Variants in CDK2AP1 observed in about 807,000 individuals in gnomAD.
CDK2AP1 encodes the protein cyclin-dependent kinase 2-associated protein 1.
A neutral mutation model predicts 14.1 loss-of-function variants in CDK2AP1; 10 were observed. That is an observed-to-expected ratio of 0.71 (90% CI 0.44 to 1.20). The LOEUF is 1.20. Ranked by LOEUF, CDK2AP1 falls within the 50% of genes most tolerant of loss-of-function variation. The probability of loss-of-function intolerance (pLI) is 0.00; values close to 1 mark genes in which losing one functional copy is unlikely to be tolerated. For missense variants in CDK2AP1, 102 were observed against 149.9 expected (o/e 0.68, Z 1.67); for synonymous variants, 59 against 59.8 (o/e 0.99, Z 0.06).
Position 123,267,031 on chromosome 12 carries a change from GTTCTGA to G in CDK2AP1, c.153+148_153+153del, listed in dbSNP as rs1289046541. On this transcript the variant is annotated intron_variant, in intron 2 of 3. Transcript: ENST00000261692. The stretch of plus-strand genomic sequence containing the variant: ...TCCCCAGTGCCCTCCACTCTGATGT[GTTCTGA>G]GCAGGAGCGCAGCCAGGGCCTTGGG... 7.2e-5 allele frequency among the ~76,000 whole-genome samples: 11 copies of G among 152,202 alleles called. No individual in the cohort carries two copies. In the East Asian group the frequency reaches 2.1e-3, roughly 29 times the overall value.
At chr12:123,268,169 C>T in intron 1 of CDK2AP1, 1 of 983,624 alleles carries the variant, frequency 1.0e-6, no homozygotes, top group African/African-American at 1.7e-5. Context: ...GAGAATTTAC[C>T]TAGTCCTCCT....
rs545157473 is a variant in CDK2AP1, at chr12:123,265,373, C to A, written c.154-51G>T. The A allele has an allele frequency of 6.3e-7, 1 of 1,596,844 alleles. No homozygotes were observed. Among genetic ancestry groups the A allele is most frequent in the South Asian group, 1.1e-5 (1 of 90,528 alleles). ...GCAAAATCAGCCGGGCGTGGTGGTGCGTGCCTGTAGTCCCAGTTACTCAGG... is the reference window on the plus strand; with the variant it reads ...GCAAAATCAGCCGGGCGTGGTGGTGAGTGCCTGTAGTCCCAGTTACTCAGG... On this transcript the variant is annotated intron_variant, in intron 2 of 3. Transcript: ENST00000261692. This position sits in a 1 kb window ranked among gnomAD's most constrained non-coding sequence, Gnocchi z 5.3.
At chr12:123,270,912 A>G (rs967841631) in intron 1 of CDK2AP1, 1 of 984,960 alleles carries the variant, frequency 1.0e-6, no homozygotes, top group Non-Finnish European at 1.2e-6. Flanking sequence ...GCGTGACCGC[A>G]TGGGGTAGCC....
At chr12:123,262,129 T>C (rs1049922015) in intron 3 of CDK2AP1, 14 of 237,404 alleles carry the variant, frequency 5.9e-5, no homozygotes, top group Non-Finnish European at 1.1e-4. Context: ...TGACCCACTA[T>C]GGAGATTTTT....
chr12:123,269,422 G>C (rs970045250), intron 1 of CDK2AP1, among the ~76,000 whole-genome samples: 4 of 152,252 alleles, frequency 2.6e-5, no homozygotes, highest in Admixed American at 2.6e-4. Flanking sequence ...GTCTAGTCCT[G>C]GAGAGAGATG....
Position 123,261,781 on chromosome 12 carries a change from C to A in CDK2AP1, c.303G>T (p.Leu101=), listed in dbSNP as rs767025451. ...LKRGIIHARG[L]VRECLAETER... is the part of the protein sequence containing the mutation. Reference sequence around the variant, plus strand: ...CCGTTTCTGCCAAGCACTCCCGAACCAGTCCTCTAGCGTGAATGATGCCTG... The same window carrying A: ...CCGTTTCTGCCAAGCACTCCCGAACAAGTCCTCTAGCGTGAATGATGCCTG... Residue 101 remains leucine, a synonymous_variant, in exon 4 of 4, where the codon CTG becomes CTT. Coordinates refer to ENST00000261692, the MANE Select transcript of CDK2AP1 (RefSeq NM_004642.4). 2 of 1,613,824 alleles carry A rather than the reference C, an allele frequency of 1.2e-6. No homozygotes were observed. Among genetic ancestry groups the A allele is most frequent in the African/African-American group, 2.7e-5 (2 of 74,930 alleles).
Position 123,261,035 on chromosome 12 carries a change from TA to T in CDK2AP1, c.*700del, listed in dbSNP as rs2048227243. 1.3e-5 allele frequency: 2 copies of T among 152,504 alleles called. No homozygotes were observed. The highest frequency in any genetic ancestry group is 4.8e-5 in the African/African-American group (2 of 41,454). 9.4% of individuals were successfully genotyped at this position (152,504 alleles called of 1,614,324 possible). On this transcript the variant is annotated 3_prime_UTR_variant, in exon 4 of 4. Coordinates refer to ENST00000261692, the MANE Select transcript of CDK2AP1 (RefSeq NM_004642.4). ...TGAAAATAAGCTTTATTACATCAAG[TA>T]ATAAATACATACAAAGATGCAAACA...
chr12:123,264,447 T>A (rs1593294960), intron 3 of CDK2AP1, among the ~76,000 whole-genome samples: 1 of 76,732 alleles, frequency 1.3e-5, no homozygotes, highest in Admixed American at 2.1e-4. Flanking sequence ...GCAACAAGAG[T>A]AAAACTCCGT....
intron 1 of CDK2AP1, 47 bp downstream of exon 1, chr12:123,271,517 C>A (rs2048353472): frequency 1.0e-6 from 1 of 983,160 alleles, no homozygotes; most frequent in Non-Finnish European, 1.2e-6. Context: ...GGCGCGCGGA[C>A]CCCCAACTTG....
At chr12:123,261,952 A>C in intron 3 of CDK2AP1, 149 bp from the exon 4 acceptor site, 2 of 623,080 alleles carry the variant, frequency 3.2e-6, no homozygotes, top group Admixed American at 2.8e-5. Context: ...TAACCAAGCA[A>C]CCCTGAAGGA....
rs1164130892 is a variant in CDK2AP1, at chr12:123,266,199, C to CG, written c.154-878_154-877insC. 1.2e-4 allele frequency among the ~76,000 whole-genome samples: 18 copies of CG among 152,368 alleles called. 1 individual carries two copies. Among genetic ancestry groups the CG allele is most frequent in the African/African-American group, 4.3e-4 (18 of 41,596 alleles). On this transcript the variant is annotated intron_variant, in intron 2 of 3. Transcript: ENST00000261692. ...CTGTCCCCTGGCCTCGCGCTCTGTC[C>CG]TGTCCTCGTCCTGCTCCGGCTGCTC... is the stretch of plus-strand genomic sequence containing the variant.
At chr12:123,266,896 G>A (rs1387070466) in intron 2 of CDK2AP1, among the ~76,000 whole-genome samples, 1 of 152,236 alleles carries the variant, frequency 6.6e-6, no homozygotes, top group East Asian at 1.9e-4. Flanking sequence ...GAGGAGTGAG[G>A]AGGCCCACTG....
chr12:123,263,544 C>G (rs1312284424), intron 3 of CDK2AP1, among the ~76,000 whole-genome samples: 1 of 152,180 alleles, frequency 6.6e-6, no homozygotes, highest in African/African-American at 2.4e-5. Context: ...CCCCAGCTAC[C>G]GGAGAGCAGC....
chr12:123,261,678 T>C lies in CDK2AP1; in HGVS notation c.*58A>G, dbSNP rs2048233895. 5 of 1,406,646 alleles carry C rather than the reference T, an allele frequency of 3.6e-6. No homozygotes were observed. The highest frequency in any genetic ancestry group is 2.3e-5 in the South Asian group (2 of 86,882). 87.1% of individuals were successfully genotyped at this position (1,406,646 alleles called of 1,614,324 possible). A position where few individuals can be genotyped will look rare whatever the true frequency, so the allele number is the denominator to read the frequency against. On this transcript the variant is annotated 3_prime_UTR_variant, in exon 4 of 4. Coordinates refer to ENST00000261692, the MANE Select transcript of CDK2AP1 (RefSeq NM_004642.4). ...AAGGGTTTCATCTGAACAGGGGAGA[T>C]GAACTGTAACTTCTCATCTTGTAAA...
chr12:123,268,396 C>T (rs1408731323), intron 1 of CDK2AP1: 1 of 187,664 alleles, frequency 5.3e-6, no homozygotes. Context: ...AACCCTGGCT[C>T]CAGGCCCCTC....
At chr12:123,270,794 A>G (rs2048346878) in intron 1 of CDK2AP1, 1 of 976,958 alleles carries the variant, frequency 1.0e-6, no homozygotes, top group Non-Finnish European at 1.2e-6. Flanking sequence ...GGGGGCTCCC[A>G]GATGGGGCGT....
chr12:123,268,225 T>TCA (rs780745466), intron 1 of CDK2AP1: 34 of 985,366 alleles, frequency 3.5e-5, no homozygotes, highest in South Asian at 4.7e-5. Context: ...GGTCTCTCTC[T>TCA]CACACACACA....
chr12:123,264,336 T>C (rs2048265088), intron 3 of CDK2AP1, among the ~76,000 whole-genome samples: 2 of 150,876 alleles, frequency 1.3e-5, no homozygotes, highest in South Asian at 4.2e-4. Context: ...GGCACATGCC[T>C]GTAATCCCAG....
intron 1 of CDK2AP1, among the ~76,000 whole-genome samples, chr12:123,270,694 T>C (rs573568509): frequency 6.6e-6 from 1 of 152,260 alleles, no homozygotes; most frequent in Non-Finnish European, 1.5e-5. Flanking sequence ...AGGAGTTTCC[T>C]GGGAGCGCCC....
Sources: gnomAD v4.1 joint callset for allele counts (sites outside exome capture counted in the v4.1 genomes callset) on GRCh38, gnomAD v4.1.1 for gene constraint, Gnocchi (gnomAD v3.1) non-coding constraint, MANE v1.5 for transcripts, NCBI Gene and HGNC (gene_info 2026-07-23, HGNC 2026-07-21) for gene names.